The following NTRK1 variants were observed in gnomAD, a reference collection of about 807,000 sequenced individuals.
The protein encoded by NTRK1 is neurotrophic receptor tyrosine kinase 1, also known as high affinity nerve growth factor receptor.
NTRK1 carries 62 observed loss-of-function variants against 86.8 expected under a neutral mutation model. That is an observed-to-expected ratio of 0.71 (90% CI 0.58 to 0.88). The LOEUF is 0.88. Among genes scored for constraint, NTRK1 ranks in the 40% least tolerant of loss-of-function variants. The pLI, the probability that NTRK1 is intolerant of heterozygous loss-of-function variation, is 0.00. For missense variants in NTRK1, 967 were observed against 1,078.4 expected (o/e 0.90, Z 1.45); for synonymous variants, 469 against 456.6 (o/e 1.03, Z -0.35).
At chr1:156,849,560 C>G (rs182289809) in intron 2 of NTRK1, 8 of 859,670 alleles carry the variant, frequency 9.3e-6, no homozygotes, top group East Asian at 2.6e-5. Flanking sequence ...TTGCTGGGCC[C>G]GGGGAGAGGG....
intron 2 of NTRK1, chr1:156,846,104 TGGGGCACCGTG>T (rs764344570): frequency 1.2e-6 from 2 of 1,600,396 alleles, no homozygotes; most frequent in Non-Finnish European, 1.7e-6. Context: ...GATGACGTCT[TGGGGCACCGTG>T]GGAGCTAGGA....
chr1:156,829,773 C>G (rs905540606), intron 1 of NTRK1, among the ~76,000 whole-genome samples: 1 of 152,204 alleles, frequency 6.6e-6, no homozygotes. Flanking sequence ...CTACCTCAGC[C>G]TCCTGAGTAG....
rs1445710160 is a variant in NTRK1 at position 156,853,893 on chromosome 1, G to C, written c.51-10461G>C. 3 of 1,614,184 alleles carry C rather than the reference G, an allele frequency of 1.9e-6. No homozygotes were observed. In the Admixed American group the frequency reaches 5.0e-5, roughly 27 times the overall value. ...TCGCCCAGCTTGTTGCCCACGATGT[G>C]GTTGGCGCCAGGTGCTGGCTGCAGC... On this transcript the variant is annotated intron_variant, in intron 2 of 16. Transcript: ENST00000392302.
intron 2 of NTRK1, chr1:156,852,130 G>A: frequency 1.2e-6 from 2 of 1,613,322 alleles, no homozygotes; most frequent in Non-Finnish European, 1.7e-6. Flanking sequence ...AGCCCCCCAG[G>A]CATTCGGTGT....
intron 1 of NTRK1, among the ~76,000 whole-genome samples, chr1:156,823,177 T>C (rs1161473039): frequency 1.3e-5 from 2 of 152,194 alleles, no homozygotes; most frequent in Non-Finnish European, 2.9e-5. Flanking sequence ...CTGGATGTAA[T>C]AGTGAGAGGA....
chr1:156,863,246 T>C (rs1383010213), intron 1 of NTRK1, among the ~76,000 whole-genome samples: 1 of 152,178 alleles, frequency 6.6e-6, no homozygotes, highest in Non-Finnish European at 1.5e-5. Context: ...TGTAGCTCTC[T>C]GTCCTTATCT....
chr1:156,847,305 GA>G (rs1655046342), intron 2 of NTRK1, among the ~76,000 whole-genome samples: 1 of 152,192 alleles, frequency 6.6e-6, no homozygotes, highest in Non-Finnish European at 1.5e-5. Flanking sequence ...AAAAGGCCAA[GA>G]CCCACTGCCA....
chr1:156,873,911 G>A lies in NTRK1; in HGVS notation c.1129G>A (p.Ala377Thr), dbSNP rs1647729607. 1 of 1,567,468 alleles carries A rather than the reference G, an allele frequency of 6.4e-7. No individual in the cohort carries two copies. The highest frequency in any genetic ancestry group is 8.7e-7 in the Non-Finnish European group (1 of 1,155,376). The change falls in exon 8 of 17, where the codon GCC becomes ACC. Residue 377 changes from alanine to threonine, a missense_variant. Physicochemically the swap from Ala to Thr is moderately conservative, Grantham distance 58 (BLOSUM62 0). Coordinates refer to ENST00000524377, the MANE Select transcript of NTRK1 (RefSeq NM_002529.4). ...CCAGGCCTCCGCCTCCATCATGGCT[G>A]CCTTCATGGACAACCCTTTCGAGTT... is the stretch of plus-strand genomic sequence containing the variant. The part of the protein sequence containing the change: ...FGQASASIMA[A>T]FMDNPFEFNP...
chr1:156,846,222 A>T (rs967877016), intron 2 of NTRK1: 3 of 1,231,944 alleles, frequency 2.4e-6, no homozygotes, highest in Non-Finnish European at 3.3e-6. Context: ...TTGTTCTCCC[A>T]AAGAATAGGT....
chr1:156,830,110 G>A (rs1482382090), intron 1 of NTRK1, among the ~76,000 whole-genome samples: 1 of 152,242 alleles, frequency 6.6e-6, no homozygotes, highest in Non-Finnish European at 1.5e-5. Context: ...CTGTGGCTCC[G>A]CTCTGCAAGG....
chr1:156,845,401 C>A, intron 2 of NTRK1: 4 of 1,561,336 alleles, frequency 2.6e-6, no homozygotes, highest in Non-Finnish European at 8.7e-7. Context: ...TGGACGTCAC[C>A]TTCCAAGGGG....
At chr1:156,837,512 T>C (rs1019763949) in intron 1 of NTRK1, among the ~76,000 whole-genome samples, 4 of 152,174 alleles carry the variant, frequency 2.6e-5, no homozygotes, top group Non-Finnish European at 4.4e-5. Context: ...TGGTTCAAGC[T>C]CTCTGCCTCC....
Position 156,854,167 on chromosome 1 carries a change from AG to A in NTRK1, c.51-10184del. On this transcript the variant is annotated intron_variant, in intron 2 of 16. Transcript: ENST00000392302. The surrounding 1 kb of genome is among the most constrained non-coding windows in gnomAD (Gnocchi z 4.2). ...GGTAGTCGGTGACCTGGGTGAGGCG[AG>A]GGAAGCTGAGGCCGCGGAAGTCCTC... 6.2e-7 allele frequency: 1 copy of A among 1,614,116 alleles called. No homozygotes were observed. Among genetic ancestry groups the A allele is most frequent in the Non-Finnish European group, 8.5e-7 (1 of 1,180,028 alleles).
At chr1:156,818,933 C>G (rs1019667903) in intron 1 of NTRK1, among the ~76,000 whole-genome samples, 4 of 152,142 alleles carry the variant, frequency 2.6e-5, no homozygotes, top group African/African-American at 9.7e-5. Flanking sequence ...AATTTACATT[C>G]CCACTAGCAA....
intron 1 of NTRK1, 23 bp downstream of exon 1, chr1:156,861,169 G>C (rs775969588): frequency 2.5e-5 from 39 of 1,539,640 alleles, no homozygotes; most frequent in Non-Finnish European, 2.8e-5. Flanking sequence ...CGGGCGGTGG[G>C]GGGGCGCGGG....
In NTRK1 at chr1:156,849,086, C is replaced by CAGCT. The variant is rs1558088414; in HGVS notation, c.50+6894_50+6897dup. On this transcript the variant is annotated intron_variant, in intron 2 of 16. Transcript: ENST00000392302. The stretch of plus-strand genomic sequence containing the variant: ...GGGGCCTGCTCGCAACCGCGCCTGC[C>CAGCT]AGCTGCTTGAGCGCCCACCCTGACC... The CAGCT allele has an allele frequency of 4.4e-6, 7 of 1,603,944 alleles. No individual in the cohort carries two copies. In the South Asian group the frequency reaches 7.8e-5, roughly 18 times the overall value.
At chr1:156,869,793 C>T (rs1484202027) in intron 6 of NTRK1, among the ~76,000 whole-genome samples, 2 of 152,254 alleles carry the variant, frequency 1.3e-5, no homozygotes, top group Admixed American at 6.5e-5. Flanking sequence ...ACAGGTAACT[C>T]AGTCGGCCTT....
intron 2 of NTRK1, chr1:156,849,005 G>A: frequency 6.2e-7 from 1 of 1,613,356 alleles, no homozygotes; most frequent in Non-Finnish European, 8.5e-7. Flanking sequence ...GATGCGGTCT[G>A]CCTCCGTCAC....
In NTRK1 at chr1:156,864,439, C is replaced by T. The variant is rs199987330; in HGVS notation, c.287+11C>T. 8.4e-5 allele frequency: 136 copies of T among 1,613,178 alleles called. 1 individual carries two copies. The highest frequency in any genetic ancestry group is 6.5e-4 in the South Asian group (59 of 91,046). On this transcript the variant is annotated intron_variant, in intron 2 of 16. Coordinates refer to ENST00000524377, the MANE Select transcript of NTRK1 (RefSeq NM_002529.4). ...GGAGCTGAGAAACCTGTGAGGGAAA[C>T]GGGGACTGTGGGTGTGGAGCTCAGC...
Sources: allele counts gnomAD v4.1 joint callset (sites outside exome capture counted in the v4.1 genomes callset), GRCh38; gene constraint gnomAD v4.1.1; non-coding constraint Gnocchi (gnomAD v3.1); transcripts MANE v1.5; gene names NCBI Gene and HGNC (gene_info 2026-07-23, HGNC 2026-07-21).